Variants in RAB5A observed in about 807,000 individuals in gnomAD.
RAB5A encodes ras-related protein Rab-5A.
A neutral mutation model predicts 25.7 loss-of-function variants in RAB5A; 8 were observed. That is an observed-to-expected ratio of 0.31 (90% CI 0.18 to 0.56). The LOEUF is 0.56. RAB5A is among the 20% of genes least tolerant of loss of function. The pLI is 0.91. For synonymous variants in RAB5A, 98 were observed against 89.8 expected, an observed-to-expected ratio of 1.09 and a Z score of -0.52; for missense variants, 192 against 259.7, an observed-to-expected ratio of 0.74 and a Z score of 1.79.
intron 2 of RAB5A, among the ~76,000 whole-genome samples, chr3:19,962,951 T>TA (rs1272159310): frequency 6.6e-6 from 1 of 152,118 alleles, no homozygotes; most frequent in Non-Finnish European, 1.5e-5. Flanking sequence ...TAGCTGGGAC[T>TA]ACAGGTATGC....
At chr3:19,954,417 G>T (rs1696469177) in intron 2 of RAB5A, among the ~76,000 whole-genome samples, 1 of 152,152 alleles carries the variant, frequency 6.6e-6, no homozygotes, top group Non-Finnish European at 1.5e-5. Flanking sequence ...TTCGAAGGTG[G>T]ATATCATATG....
intron 2 of RAB5A, among the ~76,000 whole-genome samples, chr3:19,958,664 C>CA (rs781720343): frequency 2.6e-5 from 4 of 152,120 alleles, no homozygotes; most frequent in Non-Finnish European, 5.9e-5. Flanking sequence ...ACCAACATGG[C>CA]AAAACACTGT....
At chr3:19,947,772 C>T (rs1575064190) in intron 1 of RAB5A, 2 of 152,398 alleles carry the variant, frequency 1.3e-5, no homozygotes, top group East Asian at 1.9e-4. Context: ...CACCCTTTCC[C>T]TTCTCAAGAT....
chr3:19,984,192 A>G lies in RAB5A; in HGVS notation c.*369A>G, dbSNP rs927942697. On this transcript the variant is annotated 3_prime_UTR_variant, in exon 6 of 6. Transcript: ENST00000273047. ...ACCTGTGAAAAAAAAATTGGAACTT[A>G]CTAATTTGGGCTTTTCAAAAACATT... is the stretch of plus-strand genomic sequence containing the variant. The G allele has an allele frequency of 7.1e-5, 30 of 419,890 alleles. No individual in the cohort carries two copies. In the Admixed American group the frequency reaches 9.7e-4, roughly 14 times the overall value. 26.0% of individuals were successfully genotyped at this position (419,890 alleles called of 1,614,324 possible).
intron 5 of RAB5A, among the ~76,000 whole-genome samples, chr3:19,982,975 T>G (rs1353147628): frequency 6.6e-6 from 1 of 152,178 alleles, no homozygotes; most frequent in African/African-American, 2.4e-5. Flanking sequence ...AACGCTGATA[T>G]GAGCTGAGCT....
chr3:19,969,343 G>A (rs1696711507), intron 2 of RAB5A, among the ~76,000 whole-genome samples: 1 of 151,962 alleles, frequency 6.6e-6, no homozygotes, highest in South Asian at 2.1e-4. Context: ...CATGCCTGCT[G>A]TATTTTTATT....
At chr3:19,976,966 A>G (rs1696833681) in intron 4 of RAB5A, among the ~76,000 whole-genome samples, 1 of 152,264 alleles carries the variant, frequency 6.6e-6, no homozygotes, top group Non-Finnish European at 1.5e-5. Flanking sequence ...AATTTTTTTA[A>G]GGCTGAGAAA....
intron 1 of RAB5A, 57 bp from the exon 2 acceptor site, chr3:19,950,749 T>G (rs1386551675): frequency 1.4e-6 from 1 of 694,492 alleles, no homozygotes; most frequent in Non-Finnish European, 2.3e-6. Context: ...TTAAAGTGAT[T>G]AATAGTAAAT....
chr3:19,962,826 T>G (rs1182605992), intron 2 of RAB5A, among the ~76,000 whole-genome samples: 2 of 60,680 alleles, frequency 3.3e-5, no homozygotes, highest in Non-Finnish European at 6.4e-5. Context: ...TCTTTTTTGA[T>G]TTTTTTTTGA....
intron 2 of RAB5A, among the ~76,000 whole-genome samples, chr3:19,958,013 G>A (rs1696530346): frequency 6.6e-6 from 1 of 152,160 alleles, no homozygotes; most frequent in Non-Finnish European, 1.5e-5. Context: ...TTAGCCTTCA[G>A]AATGACTTCT....
intron 2 of RAB5A, among the ~76,000 whole-genome samples, chr3:19,965,938 G>T (rs938229756): frequency 6.6e-6 from 1 of 152,008 alleles, no homozygotes; most frequent in Admixed American, 6.6e-5. Context: ...ATGTTGCCCG[G>T]GCTGGTCTCG....
chr3:19,947,541 T>G lies in RAB5A; in HGVS notation c.-94+20T>G, dbSNP rs4858133. 6.6e-6 allele frequency: 1 copy of G among 152,526 alleles called. No individual in the cohort carries two copies. The highest frequency in any genetic ancestry group is 6.5e-5 in the Admixed American group (1 of 15,284). 9.4% of individuals were successfully genotyped at this position (152,526 alleles called of 1,614,324 possible). A position where few individuals can be genotyped will look rare whatever the true frequency, so the allele number is the denominator to read the frequency against. On this transcript the variant is annotated intron_variant, in intron 1 of 5. Transcript: ENST00000273047. ...TCTCAGGTAACCGAACCGCCCCTCC[T>G]CCTGCGCAGCGGGGGCCTGGACCCC...
intron 1 of RAB5A, among the ~76,000 whole-genome samples, chr3:19,949,277 CAAG>C (rs1696386277): frequency 6.6e-6 from 1 of 152,076 alleles, no homozygotes; most frequent in Non-Finnish European, 1.5e-5. Flanking sequence ...TTAGTTAAGG[CAAG>C]GAGGTAGTTT....
chr3:19,970,494 G>A (rs1364609229), intron 2 of RAB5A: 2 of 455,848 alleles, frequency 4.4e-6, no homozygotes, highest in Non-Finnish European at 8.8e-6. Flanking sequence ...AGACAGGCCA[G>A]CACCCACATC....
intron 5 of RAB5A, among the ~76,000 whole-genome samples, chr3:19,981,454 A>G (rs542859597): frequency 3.9e-5 from 6 of 152,182 alleles, no homozygotes; most frequent in South Asian, 4.1e-4. Context: ...TCTCTACTAA[A>G]AATAGAAAAA....
At chr3:19,977,436 G>C (rs575464567) in intron 4 of RAB5A, among the ~76,000 whole-genome samples, 1 of 152,218 alleles carries the variant, frequency 6.6e-6, no homozygotes, top group Non-Finnish European at 1.5e-5. Context: ...TAGAAGGGCG[G>C]TTGTGGCTGT....
At position 19,947,219 on chromosome 3, in the gene RAB5A, G is replaced by A; in HGVS notation, c.-396G>A. The A allele has an allele frequency of 5.9e-6, 1 of 169,960 alleles. No homozygotes were observed. Among genetic ancestry groups the A allele is most frequent in the Non-Finnish European group, 1.2e-5 (1 of 81,066 alleles). The allele number at this position is 169,960 out of a possible 1,614,324, so 10.5% of individuals were successfully genotyped here. On this transcript the variant is annotated 5_prime_UTR_variant, in exon 1 of 6. Coordinates refer to ENST00000273047, the MANE Select transcript of RAB5A (RefSeq NM_004162.5). Reference sequence around the variant, plus strand: ...GGAGCCGGCGGCTGGCCTTAGGGGAGGAGGCAGAGGGAGGAGGAGGAGGAA... The same window carrying A: ...GGAGCCGGCGGCTGGCCTTAGGGGAAGAGGCAGAGGGAGGAGGAGGAGGAA...
intron 2 of RAB5A, among the ~76,000 whole-genome samples, chr3:19,955,734 T>TA (rs1696491553): frequency 6.6e-6 from 1 of 151,882 alleles, no homozygotes. Context: ...CTGCTAAAAA[T>TA]ACAAAAATTA....
chr3:19,966,772 A>G (rs1220719612), intron 2 of RAB5A, among the ~76,000 whole-genome samples: 2 of 152,206 alleles, frequency 1.3e-5, no homozygotes, highest in African/African-American at 4.8e-5. Flanking sequence ...GATATTGAAC[A>G]TCTTTCCATG....
Sources: gnomAD v4.1 joint callset for allele counts (sites outside exome capture counted in the v4.1 genomes callset) on GRCh38, gnomAD v4.1.1 for gene constraint, MANE v1.5 for transcripts, NCBI Gene and HGNC (gene_info 2026-07-23, HGNC 2026-07-21) for gene names.